ZNF654: variants seen among roughly 807,000 people sequenced by gnomAD.
ZNF654 encodes the protein melanoma-associated antigen.
A neutral mutation model predicts 95.3 loss-of-function variants in ZNF654; 19 were observed. The observed-to-expected ratio is 0.20, with a 90% CI of 0.14 to 0.29. ZNF654 has a LOEUF of 0.29. ZNF654 is among the 10% of genes least tolerant of loss of function. ZNF654 has a pLI of 1.00. For synonymous variants in ZNF654, 413 were observed against 457.9 expected (o/e 0.90, Z 1.25); for missense variants, 1,046 against 1,341.0 (o/e 0.78, Z 3.44).
intron 1 of ZNF654, among the ~76,000 whole-genome samples, chr3:88,080,660 A>T (rs1024540118): frequency 6.6e-6 from 1 of 151,926 alleles, no homozygotes; most frequent in Non-Finnish European, 1.5e-5. Context: ...TTTCCATCTG[A>T]CTCTTAACCA....
intron 7 of ZNF654, among the ~76,000 whole-genome samples, chr3:88,138,370 A>G (rs1471209783): frequency 1.3e-5 from 2 of 152,144 alleles, no homozygotes; most frequent in East Asian, 1.9e-4. Flanking sequence ...TGTACCTACA[A>G]TAATAAATGG....
At chr3:88,110,335 T>G (rs1476046893) in intron 2 of ZNF654, among the ~76,000 whole-genome samples, 1 of 152,052 alleles carries the variant, frequency 6.6e-6, no homozygotes, top group Non-Finnish European at 1.5e-5. Context: ...CTATAATAGG[T>G]CTGTGTTGTC....
rs1159855351 is a variant in ZNF654 at position 88,144,097 on chromosome 3, A to G, written c.*2445A>G. ...TTTCCTTCAAAAAATTAAATGTTAA[A>G]TTTCTGCTGTGTGTCAGTAAGGTGA... On this transcript the variant is annotated 3_prime_UTR_variant, in exon 9 of 9. Transcript: ENST00000636215. The G allele has an allele frequency of 6.6e-6, 1 of 152,298 alleles. No individual in the cohort carries two copies. Among genetic ancestry groups the G allele is most frequent in the African/African-American group, 2.4e-5 (1 of 41,420 alleles). 9.4% of individuals were successfully genotyped at this position (152,298 alleles called of 1,614,324 possible). A position where few individuals can be genotyped will look rare whatever the true frequency, so the allele number is the denominator to read the frequency against.
In ZNF654 at chr3:88,086,497, A is replaced by C. The variant is rs1321319884; in HGVS notation, c.332+95A>C. On this transcript the variant is annotated intron_variant, in intron 2 of 8. Transcript: ENST00000636215. ...TTCTTCTGAAGAAGAAACCTTTCCT[A>C]AAGTATTCCCTCAAAAAGAAATGTT... The C allele has an allele frequency of 4.7e-6, 5 of 1,073,546 alleles. No individual in the cohort carries two copies. The Admixed American group carries it at 1.7e-4, about 36-fold the overall frequency. The allele number at this position is 1,073,546 out of a possible 1,614,324, so 66.5% of individuals were successfully genotyped here.
chr3:88,136,590 T>A (rs1006936772), intron 7 of ZNF654, among the ~76,000 whole-genome samples: 1 of 152,160 alleles, frequency 6.6e-6, no homozygotes, highest in African/African-American at 2.4e-5. Context: ...TACAGAGCAC[T>A]TTTTCCTCAT....
chr3:88,134,078 G>T (rs1486306630), intron 6 of ZNF654, among the ~76,000 whole-genome samples: 3 of 151,552 alleles, frequency 2.0e-5, no homozygotes, highest in Non-Finnish European at 4.4e-5. Context: ...ATGAAACCTT[G>T]TGAGAGTTCT....
intron 1 of ZNF654, among the ~76,000 whole-genome samples, chr3:88,072,780 G>T (rs1392506575): frequency 3.9e-5 from 6 of 151,958 alleles, no homozygotes; most frequent in African/African-American, 1.2e-4. Flanking sequence ...CAGTGAACTT[G>T]GTACACAGTA....
rs188875140 is a variant in ZNF654 at position 88,130,994 on chromosome 3, C to T, written c.893+1168C>T. On this transcript the variant is annotated intron_variant, in intron 6 of 8. Transcript: ENST00000636215. ...ACACACACCTTTATATACAGTTATGCAGCACTTAATGATGGGGATATATTC... is the reference window on the plus strand; with the variant it reads ...ACACACACCTTTATATACAGTTATGTAGCACTTAATGATGGGGATATATTC... 7.2e-5 allele frequency among the ~76,000 whole-genome samples: 11 copies of T among 152,148 alleles called. No individual in the cohort carries two copies. In the East Asian group the frequency reaches 1.5e-3, roughly 21 times the overall value.
At position 88,095,227 on chromosome 3, in the gene ZNF654, C is replaced by G. The variant is rs140893968; in HGVS notation, c.332+8825C>G. On this transcript the variant is annotated intron_variant, in intron 2 of 8. Transcript: ENST00000636215. ...TTTTGTTTCCTTTTTTATTTTTTCC[C>G]CCTATGAATAGGACTATCAGTTATG... 2.6e-3 allele frequency among the ~76,000 whole-genome samples: 401 copies of G among 151,960 alleles called. 1 individual carries two copies. Among genetic ancestry groups the G allele is most frequent in the African/African-American group, 9.4e-3 (390 of 41,464 alleles).
intron 3 of ZNF654, among the ~76,000 whole-genome samples, chr3:88,117,895 C>CT (rs1329159111): frequency 6.6e-6 from 1 of 151,284 alleles, no homozygotes; most frequent in Admixed American, 6.6e-5. Context: ...TCTAGACACA[C>CT]TGAGTTTTAA....
At chr3:88,107,334 CCT>C (rs1704804280) in intron 2 of ZNF654, among the ~76,000 whole-genome samples, 1 of 152,090 alleles carries the variant, frequency 6.6e-6, no homozygotes, top group Admixed American at 6.6e-5. Context: ...AATTCGTTAG[CCT>C]ATATATTTAC....
intron 3 of ZNF654, among the ~76,000 whole-genome samples, chr3:88,122,888 T>C (rs528177101): frequency 3.0e-4 from 45 of 151,356 alleles, no homozygotes; most frequent in Non-Finnish European, 5.0e-4. Context: ...TGGGCGCCTG[T>C]AATCTCAGCT....
chr3:88,138,854 A>G lies in ZNF654; in HGVS notation c.1185A>G (p.Ala395=), dbSNP rs1559735720. 8.1e-7 allele frequency: 1 copy of G among 1,231,980 alleles called. No homozygotes were observed. Among genetic ancestry groups the G allele is most frequent in the Non-Finnish European group, 1.0e-6 (1 of 987,908 alleles). 76.3% of individuals were successfully genotyped at this position (1,231,980 alleles called of 1,614,324 possible). A position where few individuals can be genotyped will look rare whatever the true frequency, so the allele number is the denominator to read the frequency against. The change falls in exon 8 of 9, where the codon GCA becomes GCG. Residue 395 remains alanine (A), a synonymous_variant. Transcript: ENST00000636215. ...PNDLEILRIC[A]LSIFFLERSL... Reference sequence around the variant, plus strand: ...ATTTGGAGATCCTCAGGATTTGTGCACTCTCAATATTTTTTCTGGAGCGCT... The same window carrying G: ...ATTTGGAGATCCTCAGGATTTGTGCGCTCTCAATATTTTTTCTGGAGCGCT...
chr3:88,090,653 C>T (rs1349729583), intron 2 of ZNF654, among the ~76,000 whole-genome samples: 1 of 152,092 alleles, frequency 6.6e-6, no homozygotes, highest in Non-Finnish European at 1.5e-5. Context: ...TAGGTCTTTA[C>T]ATTCATTCAC....
intron 1 of ZNF654, among the ~76,000 whole-genome samples, chr3:88,066,646 G>A (rs1219515940): frequency 6.6e-6 from 1 of 151,726 alleles, no homozygotes; most frequent in African/African-American, 2.4e-5. Context: ...ATATTTAAAT[G>A]GAGTCATTGC....
chr3:88,117,861 A>C (rs1348475251), intron 3 of ZNF654, among the ~76,000 whole-genome samples: 1 of 152,080 alleles, frequency 6.6e-6, no homozygotes, highest in Non-Finnish European at 1.5e-5. Flanking sequence ...GAAGTGCAGC[A>C]TAGAGAAAGT....
At chr3:88,120,873 A>T (rs1705729600) in intron 3 of ZNF654, among the ~76,000 whole-genome samples, 1 of 152,118 alleles carries the variant, frequency 6.6e-6, no homozygotes, top group African/African-American at 2.4e-5. Flanking sequence ...TGATATAGTA[A>T]TTCAAAGTCT....
chr3:88,115,833 A>G (rs1050576703), intron 3 of ZNF654, among the ~76,000 whole-genome samples: 5 of 152,112 alleles, frequency 3.3e-5, no homozygotes, highest in African/African-American at 1.2e-4. Flanking sequence ...AGTTTTCGAG[A>G]TTCCCAATGA....
intron 1 of ZNF654, among the ~76,000 whole-genome samples, chr3:88,084,610 T>C (rs778360805): frequency 2.6e-5 from 4 of 152,132 alleles, no homozygotes; most frequent in Non-Finnish European, 1.5e-5. Flanking sequence ...CCAGAAACAT[T>C]GGAAAGATGT....
Sources: gnomAD v4.1 joint callset for allele counts (sites outside exome capture counted in the v4.1 genomes callset) on GRCh38, gnomAD v4.1.1 for gene constraint, MANE v1.5 for transcripts, NCBI Gene and HGNC (gene_info 2026-07-23, HGNC 2026-07-21) for gene names.